TRA2A: variants seen among roughly 807,000 people sequenced by gnomAD.
TRA2A encodes the protein transformer 2 alpha homolog, also known as transformer-2 protein homolog alpha.
Under a neutral mutation model 45.7 loss-of-function variants are expected in TRA2A, and 31 were observed. The ratio of observed to expected loss-of-function variants is 0.68; its 90% confidence interval spans 0.51 to 0.92. TRA2A has a LOEUF of 0.92. Ranked by LOEUF, TRA2A falls within the 40% of genes least tolerant of loss-of-function variation. The pLI is 0.00. For synonymous variants in TRA2A, 132 were observed against 126.2 expected, an observed-to-expected ratio of 1.05 and a Z score of -0.31; for missense variants, 304 against 367.5, an observed-to-expected ratio of 0.83 and a Z score of 1.41.
At chr7:23,509,633 G>A (rs1789504425) in intron 4 of TRA2A, among the ~76,000 whole-genome samples, 1 of 152,074 alleles carries the variant, frequency 6.6e-6, no homozygotes, top group African/African-American at 2.4e-5. Context: ...CTACTCGGGA[G>A]GCAGAGGCAG....
At chr7:23,525,184 T>C (rs1053650048) in intron 1 of TRA2A, among the ~76,000 whole-genome samples, 3 of 152,252 alleles carry the variant, frequency 2.0e-5, no homozygotes, top group Non-Finnish European at 2.9e-5. Flanking sequence ...AAGTCCTTTA[T>C]ATAAAGAGGA....
chr7:23,510,995 T>C (rs1233606893), intron 4 of TRA2A, among the ~76,000 whole-genome samples: 1 of 152,078 alleles, frequency 6.6e-6, no homozygotes, highest in Non-Finnish European at 1.5e-5. Flanking sequence ...TGTTATGGGG[T>C]GCCAGCTTGT....
intron 1 of TRA2A, chr7:23,531,108 G>A (rs1264311385): frequency 1.1e-5 from 5 of 466,758 alleles, no homozygotes; most frequent in African/African-American, 8.5e-5. Context: ...AAGGGAAAAG[G>A]GCTCCTTGCG....
intron 4 of TRA2A, 72 bp downstream of exon 4, chr7:23,512,821 CA>C: frequency 9.2e-7 from 1 of 1,083,958 alleles, no homozygotes; most frequent in Non-Finnish European, 1.3e-6. Context: ...GCAATGTTTA[CA>C]GAAATAAGTC....
At chr7:23,508,786 G>A (rs901527112) in intron 4 of TRA2A, among the ~76,000 whole-genome samples, 5 of 151,468 alleles carry the variant, frequency 3.3e-5, no homozygotes, top group African/African-American at 1.2e-4. Context: ...AAGCCACCAC[G>A]CCTGGCCTGC....
At chr7:23,516,287 C>T (rs1312363456) in intron 3 of TRA2A, 76 bp downstream of exon 3, 10 of 1,503,800 alleles carry the variant, frequency 6.6e-6, no homozygotes, top group Non-Finnish European at 9.1e-6. Flanking sequence ...GCCAAGCTCC[C>T]CTAAAAGCAA....
At chr7:23,506,400 C>G (rs888530207) in intron 5 of TRA2A, 134 bp from the exon 6 acceptor site, 11 of 1,089,092 alleles carry the variant, frequency 1.0e-5, no homozygotes, top group African/African-American at 1.6e-5. Flanking sequence ...CTCCGTATCT[C>G]ATTTTACTGA....
chr7:23,525,530 T>C (rs1790306872), intron 1 of TRA2A, among the ~76,000 whole-genome samples: 1 of 152,224 alleles, frequency 6.6e-6, no homozygotes, highest in African/African-American at 2.4e-5. Context: ...CCAGTCTATC[T>C]TATAGGCTAT....
chr7:23,522,100 A>G, intron 1 of TRA2A: 1 of 1,308,398 alleles, frequency 7.6e-7, no homozygotes, highest in Non-Finnish European at 9.8e-7. Context: ...GATCATACAG[A>G]CACTGGAACA....
intron 3 of TRA2A, among the ~76,000 whole-genome samples, chr7:23,514,291 C>A (rs1789760793): frequency 6.6e-6 from 1 of 152,088 alleles, no homozygotes; most frequent in African/African-American, 2.4e-5. Flanking sequence ...TGGTCTCCAA[C>A]TCCCAACCTC....
intron 3 of TRA2A, among the ~76,000 whole-genome samples, chr7:23,515,050 T>C (rs752667269): frequency 2.0e-5 from 3 of 152,090 alleles, no homozygotes; most frequent in Admixed American, 6.6e-5. Context: ...ATAACATAAC[T>C]TGCCTCACAG....
intron 1 of TRA2A, among the ~76,000 whole-genome samples, chr7:23,530,298 T>A (rs1334506809): frequency 2.0e-5 from 3 of 152,142 alleles, no homozygotes; most frequent in African/African-American, 7.2e-5. Flanking sequence ...TAAAAAAAAA[T>A]TCCAATCAAA....
intron 2 of TRA2A, among the ~76,000 whole-genome samples, chr7:23,519,799 T>G (rs1175520427): frequency 6.6e-6 from 1 of 152,176 alleles, no homozygotes; most frequent in South Asian, 2.1e-4. Context: ...ACAATAACGC[T>G]AGAAGAGTTG....
chr7:23,531,342 C>A, intron 1 of TRA2A: 3 of 765,296 alleles, frequency 3.9e-6, no homozygotes, highest in Non-Finnish European at 4.8e-6. Context: ...CGGAAAGCAG[C>A]CCCGCGCACT....
At chr7:23,517,497 A>AAAAAAAAAAAAAAAAAAAAG in intron 2 of TRA2A, among the ~76,000 whole-genome samples, 2 of 146,206 alleles carry the variant, frequency 1.4e-5, no homozygotes, top group Non-Finnish European at 3.0e-5. Context: ...AAAAAAAAAA[A>AAAAAAAAAAAAAAAAAAAAG]AAAAAAAGAG....
At chr7:23,531,482 C>A (rs897961904) in intron 1 of TRA2A, 3 of 440,144 alleles carry the variant, frequency 6.8e-6, no homozygotes, top group Non-Finnish European at 4.0e-6. Flanking sequence ...GGACCCACAC[C>A]TCGGAGCAGA....
chr7:23,528,216 T>C (rs6962202), intron 1 of TRA2A, among the ~76,000 whole-genome samples: 20,269 of 152,260 alleles, frequency 0.13, 1,570 homozygotes, highest in East Asian at 0.36. Flanking sequence ...TGTGTTTTTT[T>C]TTGTTTTGTT....
At chr7:23,517,179 T>C (rs994747841) in intron 2 of TRA2A, among the ~76,000 whole-genome samples, 1 of 151,116 alleles carries the variant, frequency 6.6e-6, no homozygotes, top group Non-Finnish European at 1.5e-5. Context: ...CATGGAAAGA[T>C]GAAGCAAGAA....
intron 1 of TRA2A, among the ~76,000 whole-genome samples, chr7:23,524,001 A>G (rs540796578): frequency 2.0e-5 from 3 of 152,300 alleles, no homozygotes; most frequent in African/African-American, 7.2e-5. Flanking sequence ...CTTCTCAAAC[A>G]TACACAGGAG....
Sources: allele counts gnomAD v4.1 joint callset (sites outside exome capture counted in the v4.1 genomes callset), GRCh38; gene constraint gnomAD v4.1.1; transcripts MANE v1.5; gene names NCBI Gene and HGNC (gene_info 2026-07-23, HGNC 2026-07-21).